The following ZNF138 variants were observed in gnomAD, a reference collection of about 807,000 sequenced individuals.
ZNF138 encodes the protein zinc finger protein 138.
A neutral mutation model predicts 33.0 loss-of-function variants in ZNF138; 33 were observed. The ratio of observed to expected loss-of-function variants is 1.00; its 90% confidence interval spans 0.76 to 1.34. The LOEUF (loss-of-function observed/expected upper bound fraction) is 1.34, where lower values mean the gene tolerates loss of function less well. ZNF138 is among the 40% of genes most tolerant of loss of function. The probability of loss-of-function intolerance (pLI) is 0.00; values close to 1 mark genes in which losing one functional copy is unlikely to be tolerated. For synonymous variants in ZNF138, 139 were observed against 120.4 expected, an observed-to-expected ratio of 1.15 and a Z score of -1.01; for missense variants, 360 against 370.8, an observed-to-expected ratio of 0.97 and a Z score of 0.24.
At chr7:64,819,518 C>T (rs149732916) in intron 3 of ZNF138, among the ~76,000 whole-genome samples, 1 of 152,000 alleles carries the variant, frequency 6.6e-6, no homozygotes, top group Non-Finnish European at 1.5e-5. Context: ...CAGGTGGCCG[C>T]CACCATGCCT....
chr7:64,832,041 A>G lies in ZNF138; in HGVS notation c.799A>G (p.Thr267Ala). 1 of 1,613,952 alleles carries G rather than the reference A, an allele frequency of 6.2e-7. No individual in the cohort carries two copies. Among genetic ancestry groups the G allele is most frequent in the Non-Finnish European group, 8.5e-7 (1 of 1,179,912 alleles). The change falls in exon 4 of 4, where the codon ACT becomes GCT. Residue 267 changes from threonine to alanine, a missense_variant. Physicochemically the swap from Thr to Ala is moderately conservative, Grantham distance 58. Transcript: ENST00000307355. The part of the protein sequence containing the change: ...GKAFKQSSHL[T>A]RHKIIHTEEK... ...AGCCTTTAAACAGTCCTCACACCTT[A>G]CTAGACATAAGATAATTCATACTGA...
chr7:64,817,571 G>C lies in ZNF138; in HGVS notation c.208+1918G>C, dbSNP rs1184487441. The stretch of plus-strand genomic sequence containing the variant: ...TAACCCAAGCTGGTCTTGAAATCCT[G>C]GCCCGAAGCAATTCTCCAATGTGAA... On this transcript the variant is annotated intron_variant, in intron 3 of 3. Transcript: ENST00000307355. 2.6e-5 allele frequency among the ~76,000 whole-genome samples: 4 copies of C among 152,214 alleles called. No individual in the cohort carries two copies. In the East Asian group the frequency reaches 7.7e-4, roughly 29 times the overall value.
chr7:64,852,500 T>A, the ZNF138 span: 1 of 1,578,442 alleles, frequency 6.3e-7, no homozygotes, highest in Admixed American at 1.7e-5. Flanking sequence ...GTTGCCCTTC[T>A]CTACAATCCC....
At chr7:64,835,128 C>T (rs1277315871), downstream of ZNF138, among the ~76,000 whole-genome samples, 1 of 151,876 alleles carries the variant, frequency 6.6e-6, no homozygotes, top group Admixed American at 6.5e-5. Context: ...CCCTAGTGGG[C>T]ATGCGCGTTA....
chr7:64,800,932 T>C (rs1268094253), intron 1 of ZNF138, among the ~76,000 whole-genome samples: 1 of 152,188 alleles, frequency 6.6e-6, no homozygotes, highest in Non-Finnish European at 1.5e-5. Flanking sequence ...TTTTCAGGAA[T>C]GTACTATTTC....
chr7:64,819,860 C>G (rs1380195909), intron 3 of ZNF138, among the ~76,000 whole-genome samples: 1 of 150,038 alleles, frequency 6.7e-6, no homozygotes, highest in Admixed American at 6.6e-5. Flanking sequence ...ATTACTTGAG[C>G]ATGAAAGTTT....
chr7:64,804,772 C>T (rs1787440466), intron 1 of ZNF138, among the ~76,000 whole-genome samples: 1 of 152,074 alleles, frequency 6.6e-6, no homozygotes, highest in African/African-American at 2.4e-5. Flanking sequence ...CAGAGTGAGA[C>T]TCTGTCTCAA....
chr7:64,799,987 G>A lies in ZNF138; in HGVS notation c.3+5416G>A, dbSNP rs560685529. ...TGATTTGGCTTTTGGCTTGGATGCTGCTGATGTACAGGGATCCTACTAATT... is the reference window on the plus strand; with the variant it reads ...TGATTTGGCTTTTGGCTTGGATGCTACTGATGTACAGGGATCCTACTAATT... On this transcript the variant is annotated intron_variant, in intron 1 of 3. Coordinates refer to ENST00000307355, the MANE Select transcript of ZNF138 (RefSeq NM_001271639.2). Among the ~76,000 whole-genome samples, 12 of 152,266 alleles carry A rather than the reference G, an allele frequency of 7.9e-5. No individual in the cohort carries two copies. The East Asian group carries it at 2.3e-3, about 29-fold the overall frequency.
At chr7:64,821,203 C>T (rs1789121000) in intron 3 of ZNF138, among the ~76,000 whole-genome samples, 1 of 150,618 alleles carries the variant, frequency 6.6e-6, no homozygotes, top group African/African-American at 2.5e-5. Context: ...CATTCTCCTG[C>T]CTCAGCCTCC....
chr7:64,828,016 A>AT (rs775123679), intron 3 of ZNF138, among the ~76,000 whole-genome samples: 6 of 152,034 alleles, frequency 3.9e-5, no homozygotes, highest in Non-Finnish European at 5.9e-5. Context: ...TTTATAACTT[A>AT]TTTATTTGTG....
chr7:64,855,934 C>G, the ZNF138 span, among the ~76,000 whole-genome samples: 49 of 6,842 alleles, frequency 7.2e-3, 19 homozygotes, highest in Middle Eastern at 0.5. Context: ...GGCCGCCACC[C>G]CATCTGGGAA....
downstream of ZNF138, among the ~76,000 whole-genome samples, chr7:64,834,846 T>C (rs1790315935): frequency 6.6e-6 from 1 of 152,204 alleles, no homozygotes; most frequent in East Asian, 1.9e-4. Context: ...AATTAATTAG[T>C]ATATAATTTT....
chr7:64,846,311 A>C, the ZNF138 span, among the ~76,000 whole-genome samples: 2 of 152,086 alleles, frequency 1.3e-5, no homozygotes, highest in Admixed American at 6.5e-5. Context: ...TAATGATAGT[A>C]TTTTGATGGG....
chr7:64,835,999 A>G (rs1790355274), downstream of ZNF138: 1 of 152,256 alleles, frequency 6.6e-6, no homozygotes, highest in South Asian at 2.1e-4. Context: ...GAGTAAGCAC[A>G]AGGTGTGATT....
intron 1 of ZNF138, 113 bp from the exon 2 acceptor site, chr7:64,814,805 T>C: frequency 7.2e-7 from 1 of 1,391,686 alleles, no homozygotes; most frequent in South Asian, 1.2e-5. Flanking sequence ...GTCACTCCTG[T>C]AAGACATAAT....
intron 3 of ZNF138, among the ~76,000 whole-genome samples, chr7:64,825,824 C>A (rs903298415): frequency 2.6e-5 from 4 of 151,536 alleles, no homozygotes; most frequent in South Asian, 2.1e-4. Context: ...GGCATGAGCC[C>A]CCGCGCCTGG....
At chr7:64,830,402 G>T (rs1474305804) in intron 3 of ZNF138, among the ~76,000 whole-genome samples, 2 of 151,632 alleles carry the variant, frequency 1.3e-5, no homozygotes, top group Non-Finnish European at 2.9e-5. Flanking sequence ...ATTTTTAATA[G>T]TTGTCTGTGT....
At chr7:64,842,633 A>G in the ZNF138 span, among the ~76,000 whole-genome samples, 1 of 152,124 alleles carries the variant, frequency 6.6e-6, no homozygotes, top group South Asian at 2.1e-4. Context: ...TTTTTATGCA[A>G]ACTTGTTCAT....
intron 3 of ZNF138, among the ~76,000 whole-genome samples, chr7:64,820,470 A>G (rs1789038058): frequency 1.3e-5 from 2 of 151,726 alleles, no homozygotes; most frequent in Non-Finnish European, 2.9e-5. Flanking sequence ...GCTTTTGTGA[A>G]TACTGGTACA....
Sources: allele counts gnomAD v4.1 joint callset (sites outside exome capture counted in the v4.1 genomes callset), GRCh38; gene constraint gnomAD v4.1.1; transcripts MANE v1.5; gene names NCBI Gene and HGNC (gene_info 2026-07-23, HGNC 2026-07-21).